Variants in TNNT2 observed in about 807,000 individuals in gnomAD.
TNNT2 encodes the protein troponin T, cardiac muscle.
TNNT2 carries 34 observed loss-of-function variants against 62.4 expected under a neutral mutation model. The ratio of observed to expected loss-of-function variants is 0.54; its 90% CI spans 0.41 to 0.72. The LOEUF is 0.72. Among genes scored for constraint, TNNT2 ranks in the 30% least tolerant of loss-of-function variants. TNNT2 has a pLI of 0.00. For synonymous variants in TNNT2, 123 were observed against 127.2 expected (o/e 0.97, Z 0.22); for missense variants, 275 against 381.9 (o/e 0.72, Z 2.33).
Position 201,359,056 on chromosome 1 carries a change from G to A in TNNT2, c.*154C>T. The A allele has an allele frequency of 3.5e-6, 3 of 859,468 alleles. No individual in the cohort carries two copies. Among genetic ancestry groups the A allele is most frequent in the Admixed American group, 2.0e-5 (1 of 49,806 alleles). The allele number at this position is 859,468 out of a possible 1,614,324, so 53.2% of individuals were successfully genotyped here. ...TTTATTACTGGTGTGGAGTGGGTGTGGGGGCAGGCAGGAGTGGTGGCTCCC... is the reference window on the plus strand; with the variant it reads ...TTTATTACTGGTGTGGAGTGGGTGTAGGGGCAGGCAGGAGTGGTGGCTCCC... On this transcript the variant is annotated 3_prime_UTR_variant, in exon 17 of 17. Coordinates refer to ENST00000656932, the MANE Select transcript of TNNT2 (RefSeq NM_001276345.2).
At chr1:201,359,745 G>A in intron 15 of TNNT2, 82 bp from the exon 16 acceptor site, 1 of 1,208,320 alleles carries the variant, frequency 8.3e-7, no homozygotes. Context: ...TGGGGAGAAG[G>A]GGGCTGAGTG....
Position 201,359,669 on chromosome 1 carries a change from A to G in TNNT2, c.811-6T>C. ...CTGTTTCGGAGAACATTGATCTGCAAGAAAAGTGGGAAGGACAAAGAGCAA... is the reference window on the plus strand; with the variant it reads ...CTGTTTCGGAGAACATTGATCTGCAGGAAAAGTGGGAAGGACAAAGAGCAA... On this transcript the variant is annotated splice_region_variant and splice_polypyrimidine_tract_variant and intron_variant, in intron 15 of 16. Coordinates refer to ENST00000656932, the MANE Select transcript of TNNT2 (RefSeq NM_001276345.2). 6.3e-7 allele frequency: 1 copy of G among 1,587,320 alleles called. No individual in the cohort carries two copies. Among genetic ancestry groups the G allele is most frequent in the Non-Finnish European group, 8.6e-7 (1 of 1,164,546 alleles).
rs748804579 is a variant in TNNT2, at chr1:201,364,332, T to C, written c.455A>G (p.Asn152Ser). The C allele has an allele frequency of 6.2e-7, 1 of 1,613,354 alleles. No homozygotes were observed. Among genetic ancestry groups the C allele is most frequent in the South Asian group, 1.1e-5 (1 of 91,030 alleles). ...GTTCTGCCGCTCCTTCTCCCGCTCATTCCGGATGCGCTGCTGCTCGGCCCG... is the reference window on the plus strand; with the variant it reads ...GTTCTGCCGCTCCTTCTCCCGCTCACTCCGGATGCGCTGCTGCTCGGCCCG... ...AERAEQQRIR[N>S]EREKERQNRL... Residue 152 changes from asparagine (N) to serine (S), a missense_variant, in exon 11 of 17, where the codon AAT becomes AGT. Coordinates refer to ENST00000656932, the MANE Select transcript of TNNT2 (RefSeq NM_001276345.2).
At chr1:201,370,018 T>C (rs1419820830) in intron 4 of TNNT2, among the ~76,000 whole-genome samples, 173 bp from the exon 5 acceptor site, 2 of 152,160 alleles carry the variant, frequency 1.3e-5, no homozygotes, top group Non-Finnish European at 2.9e-5. Flanking sequence ...CAGGGGCAAC[T>C]CTCAGTTACT....
At position 201,359,667 on chromosome 1, in the gene TNNT2, C is replaced by A; in HGVS notation, c.811-4G>T. On this transcript the variant is annotated splice_region_variant and splice_polypyrimidine_tract_variant and intron_variant, in intron 15 of 16. Transcript: ENST00000656932. ...TCCTGTTTCGGAGAACATTGATCTG[C>A]AAGAAAAGTGGGAAGGACAAAGAGC... The A allele has an allele frequency of 6.3e-7, 1 of 1,587,920 alleles. No homozygotes were observed. The highest frequency in any genetic ancestry group is 8.6e-7 in the Non-Finnish European group (1 of 1,164,900).
intron 16 of TNNT2, 146 bp downstream of exon 16, chr1:201,359,477 G>T: frequency 1.0e-6 from 1 of 996,360 alleles, no homozygotes. Context: ...CGAGGCCCCG[G>T]AGGAGCCAGA....
chr1:201,366,731 C>T (rs1659724769), intron 8 of TNNT2, 107 bp downstream of exon 8: 30 of 1,607,444 alleles, frequency 1.9e-5, no homozygotes, highest in South Asian at 7.7e-5. Context: ...TCTGTGCCCA[C>T]CAAACCCCCA....
chr1:201,367,870 C>G, intron 6 of TNNT2, 64 bp from the exon 7 acceptor site: 3 of 1,579,986 alleles, frequency 1.9e-6, no homozygotes, highest in Non-Finnish European at 2.6e-6. Flanking sequence ...CCCTCCGCCA[C>G]CAGCAAGAGC....
chr1:201,374,266 C>T lies in TNNT2; in HGVS notation c.-14-998G>A, dbSNP rs550041806. On this transcript the variant is annotated intron_variant, in intron 1 of 16. Coordinates refer to ENST00000656932, the MANE Select transcript of TNNT2 (RefSeq NM_001276345.2). ...TCTTTAATTATGTCAATGAAAATTCCGATTAAAAAATGTTCCCCCAGGGAA... is the reference window on the plus strand; with the variant it reads ...TCTTTAATTATGTCAATGAAAATTCTGATTAAAAAATGTTCCCCCAGGGAA... 13 of 5,622 alleles carry T rather than the reference C, an allele frequency of 2.3e-3. No individual in the cohort carries two copies. In the South Asian group the frequency reaches 0.38, roughly 166 times the overall value. 0.3% of individuals were successfully genotyped at this position (5,622 alleles called of 1,614,324 possible). A position where few individuals can be genotyped will look rare whatever the true frequency, so the allele number is the denominator to read the frequency against.
chr1:201,369,651 A>G (rs1462284306), intron 5 of TNNT2, among the ~76,000 whole-genome samples, 165 bp downstream of exon 5: 1 of 152,090 alleles, frequency 6.6e-6, no homozygotes, highest in Non-Finnish European at 1.5e-5. Context: ...ATCAGCTTGG[A>G]ACTGTGATCC....
chr1:201,368,120 C>A, intron 6 of TNNT2, 42 bp downstream of exon 6: 1 of 1,605,214 alleles, frequency 6.2e-7, no homozygotes, highest in Non-Finnish European at 8.5e-7. Flanking sequence ...CAGGGGCTCT[C>A]GCCACCCCCT....
chr1:201,361,144 G>C, intron 15 of TNNT2, 135 bp downstream of exon 15: 5 of 844,318 alleles, frequency 5.9e-6, no homozygotes, highest in Non-Finnish European at 6.2e-6. Flanking sequence ...GGCAGCAGGG[G>C]CAGATGCAGG....
rs138757060 is a variant in TNNT2 at position 201,372,015 on chromosome 1, T to C, written c.67+12A>G. On this transcript the variant is annotated intron_variant, in intron 4 of 16. Coordinates refer to ENST00000656932, the MANE Select transcript of TNNT2 (RefSeq NM_001276345.2). ...GCCCCTTTCTGGCTCTCCACCTGCC[T>C]GAGGCACATACCTTCAACAGCTGCT... 177 of 1,613,482 alleles carry C rather than the reference T, an allele frequency of 1.1e-4. 1 individual carries two copies. In the East Asian group the frequency reaches 3.9e-3, roughly 36 times the overall value.
rs1660313014 is a variant in TNNT2 at position 201,369,720 on chromosome 1, A to T, written c.97+96T>A. The T allele has an allele frequency of 2.6e-6, 4 of 1,529,630 alleles. No homozygotes were observed. In the Admixed American group the frequency reaches 5.0e-5, roughly 19 times the overall value. 94.8% of individuals were successfully genotyped at this position (1,529,630 alleles called of 1,614,324 possible). On this transcript the variant is annotated intron_variant, in intron 5 of 16. Transcript: ENST00000656932. ...CCCACTCCGTCCCTGCCGCCTACTC[A>T]CACCCCCCAGCCCCCAGAACAGGGC...
chr1:201,372,305 C>T, intron 2 of TNNT2, 150 bp from the exon 3 acceptor site: 2 of 1,160,710 alleles, frequency 1.7e-6, no homozygotes, highest in South Asian at 2.7e-5. Flanking sequence ...CTGCCCTGCC[C>T]ACCTTGCAAT....
intron 1 of TNNT2, chr1:201,375,515 A>C (rs1337092917): frequency 2.0e-5 from 3 of 152,176 alleles, no homozygotes; most frequent in Non-Finnish European, 4.4e-5. Context: ...AGGTGCTATA[A>C]TGCGGGATCA....
At chr1:201,377,411 C>A (rs879536446) in intron 1 of TNNT2, among the ~76,000 whole-genome samples, 1 of 152,168 alleles carries the variant, frequency 6.6e-6, no homozygotes, top group Admixed American at 6.5e-5. Flanking sequence ...CAATGGCTAC[C>A]ATGGGATTCT....
intron 1 of TNNT2, chr1:201,373,926 G>A (rs747045788): frequency 1.3e-5 from 2 of 159,024 alleles, no homozygotes; most frequent in African/African-American, 4.8e-5. Context: ...GGCACCCCAA[G>A]AGACTGGCCT....
At chr1:201,375,906 G>A (rs1457625418) in intron 1 of TNNT2, among the ~76,000 whole-genome samples, 2 of 152,216 alleles carry the variant, frequency 1.3e-5, no homozygotes, top group African/African-American at 4.8e-5. Context: ...GTTCCTGGGG[G>A]CACCATCCAG....
Sources: gnomAD v4.1 joint callset for allele counts (sites outside exome capture counted in the v4.1 genomes callset) on GRCh38, gnomAD v4.1.1 for gene constraint, MANE v1.5 for transcripts, NCBI Gene and HGNC (gene_info 2026-07-23, HGNC 2026-07-21) for gene names.